The following ERCC6L2 variants were observed in gnomAD, a reference collection of about 807,000 sequenced individuals.
ERCC6L2 encodes DNA excision repair protein ERCC-6-like 2.
A neutral mutation model predicts 132.0 loss-of-function variants in ERCC6L2; 77 were observed. The ratio of observed to expected loss-of-function variants is 0.58; its 90% confidence interval spans 0.49 to 0.71. The LOEUF is 0.71. Among genes scored for constraint, ERCC6L2 ranks in the 30% least tolerant of loss-of-function variants. The pLI is 0.00. For synonymous variants in ERCC6L2, 583 were observed against 632.4 expected (o/e 0.92, Z 1.17); for missense variants, 1,542 against 1,837.6 (o/e 0.84, Z 2.94).
At chr9:95,882,772 A>G (rs758941540) in intron 2 of ERCC6L2, among the ~76,000 whole-genome samples, 1 of 152,204 alleles carries the variant, frequency 6.6e-6, no homozygotes, top group Non-Finnish European at 1.5e-5. Context: ...ACCATACTCT[A>G]TGTTCCTTCA....
intron 1 of ERCC6L2, among the ~76,000 whole-genome samples, chr9:95,878,857 T>C (rs1310969640): frequency 2.0e-5 from 3 of 151,600 alleles, no homozygotes. Flanking sequence ...TATGGCTGCA[T>C]AGTATTCCAT....
intron 19 of ERCC6L2, among the ~76,000 whole-genome samples, chr9:96,025,030 A>C (rs1376140871): frequency 6.6e-6 from 1 of 152,004 alleles, no homozygotes; most frequent in African/African-American, 2.4e-5. Flanking sequence ...CCAGTTTCCT[A>C]CCAGTGTCCT....
rs180960874 is a variant in ERCC6L2, at chr9:95,916,209, C to G, written c.951-18C>G. The G allele has an allele frequency of 1.4e-4, 227 of 1,608,706 alleles. No homozygotes were observed. In the African/African-American group the frequency reaches 2.8e-3, roughly 20 times the overall value. On this transcript the variant is annotated intron_variant, in intron 5 of 18. Coordinates refer to ENST00000653738, the MANE Select transcript of ERCC6L2 (RefSeq NM_020207.7). ...TAGATAATAAAGCCCTTACATTTTTCTTATTGTCTTTATAAAGGGCTGTGC... is the reference window on the plus strand; with the variant it reads ...TAGATAATAAAGCCCTTACATTTTTGTTATTGTCTTTATAAAGGGCTGTGC...
In ERCC6L2 at chr9:96,018,273, A is replaced by G. The variant is rs1834223678; in HGVS notation, c.*5070A>G. 6.6e-6 allele frequency among the ~76,000 whole-genome samples: 1 copy of G among 152,224 alleles called. No individual in the cohort carries two copies. On this transcript the variant is annotated 3_prime_UTR_variant, in exon 19 of 19. Coordinates refer to ENST00000653738, the MANE Select transcript of ERCC6L2 (RefSeq NM_020207.7). ...ACAATTTTAAAAATGGAAAAAAAGT[A>G]AGACCAAAAGCAACACCTCTCCAGA...
At chr9:95,947,948 G>C (rs1164135172) in intron 12 of ERCC6L2, among the ~76,000 whole-genome samples, 3 of 152,202 alleles carry the variant, frequency 2.0e-5, no homozygotes, top group African/African-American at 4.8e-5. Context: ...CAAGTGTTCT[G>C]ATGGAGATAT....
chr9:96,026,980 C>G, intron 19 of ERCC6L2, among the ~76,000 whole-genome samples: 1 of 146,180 alleles, frequency 6.8e-6, no homozygotes, highest in African/African-American at 2.5e-5. Flanking sequence ...ACAAACACAC[C>G]ACACACACAC....
chr9:95,894,760 A>G (rs887003921), intron 2 of ERCC6L2, among the ~76,000 whole-genome samples: 1 of 151,854 alleles, frequency 6.6e-6, no homozygotes, highest in Non-Finnish European at 1.5e-5. Flanking sequence ...ATGCCCAGCT[A>G]ATTTTTTATA....
chr9:95,900,821 T>G (rs1828734486), intron 3 of ERCC6L2, among the ~76,000 whole-genome samples: 1 of 152,238 alleles, frequency 6.6e-6, no homozygotes, highest in South Asian at 2.1e-4. Flanking sequence ...AGTGTTATTT[T>G]CTTCTTGTCT....
chr9:96,029,181 G>T (rs1252752056), intron 19 of ERCC6L2, among the ~76,000 whole-genome samples: 22 of 151,724 alleles, frequency 1.5e-4, no homozygotes, highest in African/African-American at 2.4e-5. Flanking sequence ...GCACGTGACT[G>T]TAATCCCAGC....
intron 18 of ERCC6L2, among the ~76,000 whole-genome samples, chr9:96,010,798 A>G (rs1024998498): frequency 3.3e-5 from 5 of 152,338 alleles, no homozygotes; most frequent in Middle Eastern, 3.4e-3. Flanking sequence ...TAGCCCAAGT[A>G]AACTGTAAAC....
intron 13 of ERCC6L2, among the ~76,000 whole-genome samples, chr9:95,959,203 C>T (rs1485833749): frequency 1.3e-5 from 2 of 148,410 alleles, no homozygotes; most frequent in Non-Finnish European, 3.0e-5. Context: ...TGGAACAGAA[C>T]AGAGCCCTCA....
chr9:95,968,425 T>G (rs1832263827), intron 14 of ERCC6L2: 1 of 152,138 alleles, frequency 6.6e-6, no homozygotes, highest in Non-Finnish European at 1.5e-5. Context: ...AATTACTCAT[T>G]TGTCATCAAT....
chr9:95,921,413 C>A, intron 7 of ERCC6L2, 98 bp downstream of exon 7: 1 of 940,952 alleles, frequency 1.1e-6, no homozygotes, highest in Non-Finnish European at 1.5e-6. Context: ...ACCTTTTCCT[C>A]AGACAGTTCT....
intron 19 of ERCC6L2, among the ~76,000 whole-genome samples, chr9:96,033,929 G>A (rs1834490823): frequency 6.6e-6 from 1 of 152,252 alleles, no homozygotes; most frequent in South Asian, 2.1e-4. Context: ...CCTGCCTGGT[G>A]CAGGGACGTC....
intron 17 of ERCC6L2, among the ~76,000 whole-genome samples, chr9:95,986,117 A>G (rs1833084962): frequency 1.3e-5 from 2 of 152,204 alleles, no homozygotes; most frequent in African/African-American, 4.8e-5. Context: ...ATTTTTCCTC[A>G]TCTTTCTCTT....
intron 2 of ERCC6L2, among the ~76,000 whole-genome samples, chr9:95,888,884 T>A (rs527256177): frequency 2.0e-5 from 3 of 152,324 alleles, no homozygotes; most frequent in Non-Finnish European, 2.9e-5. Context: ...CAATACCTAT[T>A]AGTATATTTT....
intron 19 of ERCC6L2, chr9:96,026,034 A>G (rs1834355458): frequency 6.6e-6 from 1 of 152,454 alleles, no homozygotes; most frequent in South Asian, 2.1e-4. Context: ...CTGAGAACCG[A>G]GGTCCTGGAA....
At chr9:96,039,814 G>A (rs561201234) in intron 20 of ERCC6L2, among the ~76,000 whole-genome samples, 6 of 152,286 alleles carry the variant, frequency 3.9e-5, no homozygotes, top group Non-Finnish European at 7.4e-5. Flanking sequence ...ACAGAGGATG[G>A]TGTGGCCAAG....
At chr9:96,011,907 T>C (rs1276290327) in intron 18 of ERCC6L2, among the ~76,000 whole-genome samples, 1 of 152,236 alleles carries the variant, frequency 6.6e-6, no homozygotes, top group African/African-American at 2.4e-5. Flanking sequence ...GATCCTCATG[T>C]CAGTCATAAA....
Sources: gnomAD v4.1 joint callset for allele counts (sites outside exome capture counted in the v4.1 genomes callset) on GRCh38, gnomAD v4.1.1 for gene constraint, MANE v1.5 for transcripts, NCBI Gene and HGNC (gene_info 2026-07-23, HGNC 2026-07-21) for gene names.